LINGO2: variants seen among roughly 807,000 people sequenced by gnomAD.
LINGO2 encodes leucine-rich repeat and immunoglobulin-like domain-containing nogo receptor-interacting protein 2.
A neutral mutation model predicts 30.6 loss-of-function variants in LINGO2; 14 were observed. That is an observed-to-expected ratio of 0.46 (90% CI 0.30 to 0.72). The LOEUF (loss-of-function observed/expected upper bound fraction) is 0.72, where lower values mean the gene tolerates loss of function less well. Ranked by LOEUF, LINGO2 falls within the 30% of genes least tolerant of loss-of-function variation. LINGO2 has a pLI of 0.07. For missense variants in LINGO2, 729 were observed against 751.7 expected, an observed-to-expected ratio of 0.97 and a Z score of 0.35; for synonymous variants, 317 against 288.5, an observed-to-expected ratio of 1.10 and a Z score of -1.00.
the LINGO2 span, among the ~76,000 whole-genome samples, chr9:29,172,404 T>C: frequency 6.6e-6 from 1 of 151,874 alleles, no homozygotes; most frequent in Non-Finnish European, 1.5e-5. Context: ...AATTTAAAAC[T>C]CGTTTAAATT....
chr9:27,956,508 T>C (rs1819576838), intron 5 of LINGO2, among the ~76,000 whole-genome samples: 1 of 152,232 alleles, frequency 6.6e-6, no homozygotes, highest in Admixed American at 6.5e-5. Flanking sequence ...TTTACCTTTT[T>C]GTTTTCTTCA....
chr9:28,203,894 TG>T (rs906933151), intron 4 of LINGO2, among the ~76,000 whole-genome samples: 2 of 152,180 alleles, frequency 1.3e-5, no homozygotes, highest in Non-Finnish European at 2.9e-5. Flanking sequence ...TCAATATGTT[TG>T]GGAAACAACA....
chr9:28,574,508 C>T (rs1171523259), intron 1 of LINGO2, among the ~76,000 whole-genome samples: 2 of 152,110 alleles, frequency 1.3e-5, no homozygotes, highest in Non-Finnish European at 2.9e-5. Context: ...ACAGTAGCTG[C>T]TCTTTATGTT....
At chr9:29,110,856 A>C in the LINGO2 span, among the ~76,000 whole-genome samples, 1 of 150,940 alleles carries the variant, frequency 6.6e-6, no homozygotes, top group East Asian at 2.0e-4. Context: ...ACGCCCAGCT[A>C]ATTTTTGTAT....
At chr9:29,044,010 A>G in the LINGO2 span, among the ~76,000 whole-genome samples, 4 of 152,042 alleles carry the variant, frequency 2.6e-5, no homozygotes, top group African/African-American at 9.7e-5. Flanking sequence ...TGATAAAGCG[A>G]ACAGTTTGCA....
chr9:28,716,544 A>C, the LINGO2 span, among the ~76,000 whole-genome samples: 28 of 152,176 alleles, frequency 1.8e-4, no homozygotes, highest in East Asian at 4.4e-3. Context: ...ATTTGTCACA[A>C]ATATAGTTTC....
chr9:27,991,183 G>A (rs940107591), intron 5 of LINGO2, among the ~76,000 whole-genome samples: 1 of 152,054 alleles, frequency 6.6e-6, no homozygotes, highest in African/African-American at 2.4e-5. Flanking sequence ...TTAGATTCAG[G>A]TACTCACACT....
the LINGO2 span, among the ~76,000 whole-genome samples, chr9:29,005,241 G>T: frequency 5.6e-4 from 85 of 151,888 alleles, no homozygotes; most frequent in African/African-American, 2.0e-3. Flanking sequence ...ATGTTATAAA[G>T]GTTTAGTTAT....
chr9:28,886,566 CCA>C, the LINGO2 span, among the ~76,000 whole-genome samples: 1 of 152,090 alleles, frequency 6.6e-6, no homozygotes, highest in African/African-American at 2.4e-5. Context: ...ACAAAATATA[CCA>C]CAGTTACTCA....
At chr9:28,862,798 G>A in the LINGO2 span, among the ~76,000 whole-genome samples, 1 of 151,946 alleles carries the variant, frequency 6.6e-6, no homozygotes, top group Admixed American at 6.6e-5. Flanking sequence ...AATAAAAAAC[G>A]GTAAAACCAA....
the LINGO2 span, among the ~76,000 whole-genome samples, chr9:28,890,210 GT>G: frequency 1.3e-5 from 2 of 151,558 alleles, no homozygotes; most frequent in Non-Finnish European, 2.9e-5. Context: ...GTTTTGTTTT[GT>G]TTTGTTTTGT....
chr9:28,954,331 A>G, the LINGO2 span, among the ~76,000 whole-genome samples: 6 of 152,212 alleles, frequency 3.9e-5, no homozygotes, highest in African/African-American at 1.4e-4. Context: ...AAAACATCAT[A>G]CTTCAGTTTG....
chr9:28,179,693 G>C (rs996781768), intron 4 of LINGO2, among the ~76,000 whole-genome samples: 2 of 125,002 alleles, frequency 1.6e-5, no homozygotes, highest in Non-Finnish European at 3.4e-5. Context: ...ATATACTATA[G>C]TATATATATA....
intron 2 of LINGO2, among the ~76,000 whole-genome samples, chr9:28,431,069 A>AGAGAGAGG (rs1184166499): frequency 1.3e-5 from 2 of 151,608 alleles, no homozygotes; most frequent in Non-Finnish European, 2.9e-5. Flanking sequence ...AGAGAGAGAG[A>AGAGAGAGG]GAAACTCAAG....
chr9:28,894,006 G>T, the LINGO2 span, among the ~76,000 whole-genome samples: 1 of 151,756 alleles, frequency 6.6e-6, no homozygotes, highest in Non-Finnish European at 1.5e-5. Flanking sequence ...GCAGCATTTG[G>T]TTTTTTGTCC....
chr9:27,947,214 T>G (rs1441810011), downstream of LINGO2, among the ~76,000 whole-genome samples: 2 of 152,308 alleles, frequency 1.3e-5, no homozygotes, highest in East Asian at 3.9e-4. Flanking sequence ...CATAACCATA[T>G]GCTTTGAAAG....
intron 4 of LINGO2, among the ~76,000 whole-genome samples, chr9:28,038,354 A>G (rs1302650621): frequency 6.6e-6 from 1 of 152,186 alleles, no homozygotes; most frequent in Non-Finnish European, 1.5e-5. Context: ...TATATTATAC[A>G]ACATTATAGA....
At chr9:28,913,845 G>A in the LINGO2 span, among the ~76,000 whole-genome samples, 8 of 152,086 alleles carry the variant, frequency 5.3e-5, no homozygotes, top group South Asian at 2.1e-4. Flanking sequence ...CAAGTAATAC[G>A]TTATAGTGAG....
At chr9:29,046,284 C>T in the LINGO2 span, among the ~76,000 whole-genome samples, 1 of 152,040 alleles carries the variant, frequency 6.6e-6, no homozygotes, top group Admixed American at 6.6e-5. Context: ...TAGACAGCCT[C>T]AATATGCAAG....
Sources: allele counts gnomAD v4.1 joint callset (sites outside exome capture counted in the v4.1 genomes callset), GRCh38; gene constraint gnomAD v4.1.1; transcripts MANE v1.5; gene names NCBI Gene and HGNC (gene_info 2026-07-23, HGNC 2026-07-21).